The following TUBGCP4 variants were observed in gnomAD, a reference collection of about 807,000 sequenced individuals.
TUBGCP4 encodes tubulin gamma complex component 4.
A neutral mutation model predicts 91.6 loss-of-function variants in TUBGCP4; 54 were observed. That is an observed-to-expected ratio of 0.59 (90% CI 0.47 to 0.74). The LOEUF (loss-of-function observed/expected upper bound fraction) is 0.74. Ranked by LOEUF, TUBGCP4 falls within the 30% of genes least tolerant of loss-of-function variation. TUBGCP4 has a pLI of 0.00. For missense variants in TUBGCP4, 593 were observed against 800.9 expected, an observed-to-expected ratio of 0.74 and a Z score of 3.13; for synonymous variants, 297 against 302.8, an observed-to-expected ratio of 0.98 and a Z score of 0.20.
intron 16 of TUBGCP4, 144 bp from the exon 17 acceptor site, chr15:43,404,269 T>C (rs765298873): frequency 1.9e-5 from 17 of 902,188 alleles, no homozygotes; most frequent in African/African-American, 8.4e-5. Context: ...TAGGAACTAA[T>C]AGAAATAGGA....
chr15:43,378,610 T>C (rs2044241731), intron 5 of TUBGCP4, among the ~76,000 whole-genome samples: 1 of 152,192 alleles, frequency 6.6e-6, no homozygotes, highest in Non-Finnish European at 1.5e-5. Context: ...ATCTGCCACA[T>C]TGCTGCATCA....
In TUBGCP4 at chr15:43,409,712, G is replaced by A; in HGVS notation, c.*4498G>A. On this transcript the variant is annotated 3_prime_UTR_variant, in exon 18 of 18. Transcript: ENST00000564079. ...GCTCGAAGCTGGGATTCTGTATACTGCTTGTTGAAAGGAGGAATTTCCAAA... is the reference window on the plus strand; with the variant it reads ...GCTCGAAGCTGGGATTCTGTATACTACTTGTTGAAAGGAGGAATTTCCAAA... 2 of 1,560,832 alleles carry A rather than the reference G, an allele frequency of 1.3e-6. No individual in the cohort carries two copies. The highest frequency in any genetic ancestry group is 1.4e-5 in the African/African-American group (1 of 71,862).
chr15:43,392,075 TACACACACACACACACACACACACAC>T (rs3986231), intron 9 of TUBGCP4, among the ~76,000 whole-genome samples: 5 of 133,184 alleles, frequency 3.8e-5, no homozygotes, highest in African/African-American at 8.2e-5. Context: ...AAAATAGAGA[TACACACACACACACACACACACACAC>T]ACACACACAC....
chr15:43,408,664 G>A lies in TUBGCP4; in HGVS notation c.*3450G>A. 1 of 515,154 alleles carries A rather than the reference G, an allele frequency of 1.9e-6. No individual in the cohort carries two copies. 31.9% of individuals were successfully genotyped at this position (515,154 alleles called of 1,614,324 possible). A position where few individuals can be genotyped will look rare whatever the true frequency, so the allele number is the denominator to read the frequency against. On this transcript the variant is annotated 3_prime_UTR_variant, in exon 18 of 18. Coordinates refer to ENST00000564079, the MANE Select transcript of TUBGCP4 (RefSeq NM_014444.5). ...AAAACTTAGTTCTCTGACTTTACAG[G>A]TTGAGAATATTGAACCTATATACAA...
rs2044159095 is a variant in TUBGCP4, at chr15:43,373,751, C to G, written c.78+2319C>G. On this transcript the variant is annotated intron_variant, in intron 1 of 17. Coordinates refer to ENST00000564079, the MANE Select transcript of TUBGCP4 (RefSeq NM_014444.5). ...GCAAGCTCCACCTCCTGGGTTCACG[C>G]CATTCTCCTGCCTCAGCCTCCCGAG... is the stretch of plus-strand genomic sequence containing the variant. Among the ~76,000 whole-genome samples, 5 of 151,950 alleles carry G rather than the reference C, an allele frequency of 3.3e-5. No individual in the cohort carries two copies. The South Asian group carries it at 1.0e-3, about 32-fold the overall frequency.
Position 43,371,106 on chromosome 15 carries a change from C to G in TUBGCP4, c.-249C>G. 1.7e-6 allele frequency: 1 copy of G among 580,768 alleles called. No homozygotes were observed. The highest frequency in any genetic ancestry group is 3.1e-6 in the Non-Finnish European group (1 of 322,926). 36.0% of individuals were successfully genotyped at this position (580,768 alleles called of 1,614,324 possible). On this transcript the variant is annotated 5_prime_UTR_variant, in exon 1 of 18. Coordinates refer to ENST00000564079, the MANE Select transcript of TUBGCP4 (RefSeq NM_014444.5). Reference sequence around the variant, plus strand: ...GAGGGCAGCGACCGCGACTCAGTCTCCGCAGAGCCCGGGCGGGAGTAGCTG... The same window carrying G: ...GAGGGCAGCGACCGCGACTCAGTCTGCGCAGAGCCCGGGCGGGAGTAGCTG...
Position 43,408,775 on chromosome 15 carries a change from T to C in TUBGCP4, c.*3561T>C, listed in dbSNP as rs1214671133. The C allele has an allele frequency of 1.8e-5, 18 of 974,780 alleles. No homozygotes were observed. Among genetic ancestry groups the C allele is most frequent in the Non-Finnish European group, 2.8e-5 (18 of 652,972 alleles). The allele number at this position is 974,780 out of a possible 1,614,324, so 60.4% of individuals were successfully genotyped here. On this transcript the variant is annotated 3_prime_UTR_variant, in exon 18 of 18. Coordinates refer to ENST00000564079, the MANE Select transcript of TUBGCP4 (RefSeq NM_014444.5). ...ACTCCTGAAGTCATTTCAAACCCAC[T>C]CAAATTTATCCCACAGACATTCCAA...
In TUBGCP4 at chr15:43,380,140, T is replaced by C. The variant is rs1241088318; in HGVS notation, c.498T>C (p.Pro166=). The change falls in exon 6 of 18, where the codon CCT becomes CCC. Residue 166 remains proline, a synonymous_variant. Coordinates refer to ENST00000564079, the MANE Select transcript of TUBGCP4 (RefSeq NM_014444.5). ...ACAAACACAGCTGTGGGGGGTTGCCTCCTGTTCGAAGTGCACTGGAAAAGT... is the reference window on the plus strand; with the variant it reads ...ACAAACACAGCTGTGGGGGGTTGCCCCCTGTTCGAAGTGCACTGGAAAAGT... ...TVYKHSCGGL[P]PVRSALEKIL... 2 of 1,613,962 alleles carry C rather than the reference T, an allele frequency of 1.2e-6. No individual in the cohort carries two copies. Among genetic ancestry groups the C allele is most frequent in the Non-Finnish European group, 1.7e-6 (2 of 1,179,956 alleles).
chr15:43,400,163 A>T lies in TUBGCP4; in HGVS notation c.1538A>T (p.Lys513Met), dbSNP rs2044648341. 1 of 1,614,112 alleles carries T rather than the reference A, an allele frequency of 6.2e-7. No homozygotes were observed. Among genetic ancestry groups the T allele is most frequent in the Non-Finnish European group, 8.5e-7 (1 of 1,180,052 alleles). The change falls in exon 14 of 18, where the codon AAG becomes ATG. Residue 513 changes from lysine to methionine, a missense_variant. By Grantham distance (95) the Lys-to-Met change is moderately conservative. Coordinates refer to ENST00000564079, the MANE Select transcript of TUBGCP4 (RefSeq NM_014444.5). ...AAGTCGAACCAGACTGATGCAATCAAGTGGCGCCTAAGAAATCACATGGCA... is the reference window on the plus strand; with the variant it reads ...AAGTCGAACCAGACTGATGCAATCATGTGGCGCCTAAGAAATCACATGGCA... ...HLKSNQTDAI[K>M]WRLRNHMAFL...
chr15:43,403,449 T>A (rs1190535105), intron 15 of TUBGCP4: 5 of 383,136 alleles, frequency 1.3e-5, no homozygotes, highest in Non-Finnish European at 2.4e-5. Flanking sequence ...GATTGGAGGT[T>A]TGGTGCAGGG....
At chr15:43,371,740 C>T (rs2044126664) in intron 1 of TUBGCP4, among the ~76,000 whole-genome samples, 1 of 152,126 alleles carries the variant, frequency 6.6e-6, no homozygotes, top group African/African-American at 2.4e-5. Context: ...GAGGCACTTT[C>T]TCCTATTTAT....
Position 43,409,358 on chromosome 15 carries a change from G to C in TUBGCP4, c.*4144G>C, listed in dbSNP as rs2045035894. On this transcript the variant is annotated 3_prime_UTR_variant, in exon 18 of 18. Transcript: ENST00000564079. ...AAAACCTATGAACTCAGCCTTTCAG[G>C]CTAAAAATCAGCAACCCTAATAGGG... is the stretch of plus-strand genomic sequence containing the variant. 9 of 571,406 alleles carry C rather than the reference G, an allele frequency of 1.6e-5. No homozygotes were observed. Among genetic ancestry groups the C allele is most frequent in the Non-Finnish European group, 2.8e-5 (9 of 321,260 alleles). 35.4% of individuals were successfully genotyped at this position (571,406 alleles called of 1,614,324 possible).
At chr15:43,377,260 G>A (rs369778625) in intron 4 of TUBGCP4, among the ~76,000 whole-genome samples, 193 bp downstream of exon 4, 1 of 152,140 alleles carries the variant, frequency 6.6e-6, no homozygotes, top group Non-Finnish European at 1.5e-5. Flanking sequence ...CTTAATGTCT[G>A]ATATTAACGC....
rs1234346272 is a variant in TUBGCP4 at position 43,405,357 on chromosome 15, T to C, written c.*143T>C. On this transcript the variant is annotated 3_prime_UTR_variant, in exon 18 of 18. Coordinates refer to ENST00000564079, the MANE Select transcript of TUBGCP4 (RefSeq NM_014444.5). The stretch of plus-strand genomic sequence containing the variant: ...TACCTTTTCTCCTAGAAGCAGTTAC[T>C]GAACATCCAGGAGTACAACTCCTTC... The C allele has an allele frequency of 2.2e-6, 2 of 915,898 alleles. No individual in the cohort carries two copies. Among genetic ancestry groups the C allele is most frequent in the East Asian group, 2.6e-5 (1 of 38,340 alleles). The allele number at this position is 915,898 out of a possible 1,614,324, so 56.7% of individuals were successfully genotyped here.
chr15:43,393,198 T>A (rs931304523), intron 9 of TUBGCP4, among the ~76,000 whole-genome samples: 10 of 149,882 alleles, frequency 6.7e-5, no homozygotes, highest in Non-Finnish European at 5.9e-5. Flanking sequence ...AATATTTGGG[T>A]GGCTTCCCAA....
chr15:43,383,190 T>C, intron 6 of TUBGCP4, 113 bp from the exon 7 acceptor site: 1 of 824,128 alleles, frequency 1.2e-6, no homozygotes, highest in East Asian at 2.8e-5. Context: ...AGCACAATTA[T>C]TTTTAACTTA....
intron 14 of TUBGCP4, 42 bp downstream of exon 14, chr15:43,400,263 A>C (rs1340448991): frequency 1.9e-6 from 3 of 1,578,782 alleles, no homozygotes; most frequent in East Asian, 2.3e-5. Context: ...GTACGGAAAA[A>C]CGTCTAGGAG....
chr15:43,401,572 G>A lies in TUBGCP4; in HGVS notation c.1597-144G>A, dbSNP rs2044681627. On this transcript the variant is annotated intron_variant, in intron 14 of 17. Transcript: ENST00000564079. The stretch of plus-strand genomic sequence containing the variant: ...TCCTACAAGGCTGGGCAATATAAGG[G>A]TGTCTTTGGTCAGCCTTAATGTGAC... 4 of 803,664 alleles carry A rather than the reference G, an allele frequency of 5.0e-6. No homozygotes were observed. The South Asian group carries it at 5.1e-5, about 10-fold the overall frequency. 49.8% of individuals were successfully genotyped at this position (803,664 alleles called of 1,614,324 possible).
At chr15:43,401,695 A>T in intron 14 of TUBGCP4, 21 bp from the exon 15 acceptor site, 2 of 1,612,560 alleles carry the variant, frequency 1.2e-6, no homozygotes, top group South Asian at 1.1e-5. Flanking sequence ...AAGTGCTAAA[A>T]TTTTTTGTAA....
Sources: allele counts gnomAD v4.1 joint callset (sites outside exome capture counted in the v4.1 genomes callset), GRCh38; gene constraint gnomAD v4.1.1; transcripts MANE v1.5; gene names NCBI Gene and HGNC (gene_info 2026-07-23, HGNC 2026-07-21).